The following OPCML variants were observed in gnomAD, a reference collection of about 807,000 sequenced individuals.
The protein encoded by OPCML is opioid-binding protein/cell adhesion molecule.
OPCML carries 13 observed loss-of-function variants against 37.8 expected under a neutral mutation model. The observed-to-expected ratio is 0.34, with a 90% CI of 0.22 to 0.55. The LOEUF is 0.55. Among genes scored for constraint, OPCML ranks in the 20% least tolerant of loss-of-function variants. The probability of loss-of-function intolerance (pLI) is 0.91; values close to 1 mark genes in which losing one functional copy is unlikely to be tolerated. For missense variants in OPCML, 341 were observed against 435.6 expected (o/e 0.78, Z 1.93); for synonymous variants, 176 against 168.8 (o/e 1.04, Z -0.33).
intron 4 of OPCML, among the ~76,000 whole-genome samples, chr11:132,440,144 C>T (rs777703664): frequency 5.3e-5 from 8 of 152,096 alleles, no homozygotes; most frequent in Non-Finnish European, 8.8e-5. Context: ...GATTTGTTTT[C>T]ACTGTCTGTG....
At chr11:133,272,868 G>A (rs183163487) in intron 1 of OPCML, among the ~76,000 whole-genome samples, 10 of 152,326 alleles carry the variant, frequency 6.6e-5, no homozygotes, top group Admixed American at 2.6e-4. Context: ...AAGTTTCTAC[G>A]AAGTGAGGAG....
chr11:133,415,065 G>A (rs950393243), intron 1 of OPCML, among the ~76,000 whole-genome samples: 1 of 152,138 alleles, frequency 6.6e-6, no homozygotes, highest in Non-Finnish European at 1.5e-5. Context: ...GAGTTATTTA[G>A]AGCAGTACTT....
At chr11:133,071,072 G>A (rs748324638) in intron 1 of OPCML, among the ~76,000 whole-genome samples, 5 of 152,210 alleles carry the variant, frequency 3.3e-5, no homozygotes, top group Admixed American at 2.6e-4. Context: ...GCTCCAATGA[G>A]AGGATGTTCT....
intron 2 of OPCML, among the ~76,000 whole-genome samples, chr11:132,874,265 A>T (rs1249625524): frequency 6.6e-6 from 1 of 152,212 alleles, no homozygotes; most frequent in Non-Finnish European, 1.5e-5. Context: ...CTCAGTTGAT[A>T]GAAAATCTAT....
chr11:133,014,989 G>T lies in OPCML; in HGVS notation c.62-71979C>A, dbSNP rs76813249. ...CTCAATGGAATAACGTCCAGCAATC[G>T]AAATGGATGAAATGCATCTACAGGC... On this transcript the variant is annotated intron_variant, in intron 1 of 7. Transcript: ENST00000524381. Among the ~76,000 whole-genome samples the T allele has an allele frequency of 5.9e-5, 9 of 152,248 alleles. No homozygotes were observed. The East Asian group carries it at 1.5e-3, about 26-fold the overall frequency.
chr11:133,423,768 C>T (rs867878290), intron 1 of OPCML, among the ~76,000 whole-genome samples: 13 of 152,264 alleles, frequency 8.5e-5, no homozygotes, highest in Middle Eastern at 3.4e-3. Flanking sequence ...ATCATGGGGA[C>T]AGATCCCTCC....
chr11:133,079,213 A>G (rs554219330), intron 1 of OPCML, among the ~76,000 whole-genome samples: 2 of 152,270 alleles, frequency 1.3e-5, no homozygotes, highest in East Asian at 3.9e-4. Flanking sequence ...ATTTTAAGCT[A>G]GTGTAAGTAA....
intron 2 of OPCML, among the ~76,000 whole-genome samples, chr11:132,672,394 T>A (rs116038942): frequency 0.02 from 3,016 of 152,234 alleles, 101 homozygotes; most frequent in African/African-American, 0.069. Context: ...AAACAACTAG[T>A]GCATTTGGGG....
intron 4 of OPCML, among the ~76,000 whole-genome samples, chr11:132,466,217 G>A (rs1325564647): frequency 2.0e-5 from 3 of 152,038 alleles, no homozygotes; most frequent in Non-Finnish European, 2.9e-5. Flanking sequence ...CGCGCACGGT[G>A]GCTCACGCCT....
intron 1 of OPCML, among the ~76,000 whole-genome samples, chr11:133,354,238 G>GTGGTAATAA (rs1427254601): frequency 4.0e-4 from 16 of 39,650 alleles, no homozygotes; most frequent in East Asian, 1.0e-3. Context: ...GGTGGTGATG[G>GTGGTAATAA]TGGTGATAAT....
rs149991877 is a variant in OPCML, at chr11:132,766,099, T to TAAA, written c.147-108783_147-108781dup. ...ATGTCATGGTCCCATGCTTATAATTTAAAAAAAAAAAACTAAATAAATGTT... is the reference window on the plus strand; with the variant it reads ...ATGTCATGGTCCCATGCTTATAATTTAAAAAAAAAAAAAAACTAAATAAATGTT... On this transcript the variant is annotated intron_variant, in intron 2 of 7. Transcript: ENST00000524381. Among the ~76,000 whole-genome samples the TAAA allele has an allele frequency of 1.7e-3, 257 of 148,836 alleles. 1 individual carries two copies. Among genetic ancestry groups the TAAA allele is most frequent in the South Asian group, 4.0e-3 (19 of 4,728 alleles).
chr11:132,631,773 T>G (rs1042428348), intron 3 of OPCML, among the ~76,000 whole-genome samples: 1 of 152,126 alleles, frequency 6.6e-6, no homozygotes, highest in Non-Finnish European at 1.5e-5. Context: ...TATTAAAAAG[T>G]CAATAGATTA....
chr11:133,154,223 A>ATT (rs1950025839), intron 1 of OPCML, among the ~76,000 whole-genome samples: 1 of 151,358 alleles, frequency 6.6e-6, no homozygotes, highest in African/African-American at 2.4e-5. Context: ...TCTGATTAAA[A>ATT]AAAAAAAAAA....
At chr11:132,905,296 A>G (rs1212958096) in intron 2 of OPCML, among the ~76,000 whole-genome samples, 1 of 131,774 alleles carries the variant, frequency 7.6e-6, no homozygotes, top group East Asian at 2.2e-4. Context: ...CAGTGGCATG[A>G]TCTTGGCTCA....
chr11:132,695,698 C>T (rs1015476880), intron 2 of OPCML, among the ~76,000 whole-genome samples: 4 of 152,074 alleles, frequency 2.6e-5, no homozygotes, highest in East Asian at 1.9e-4. Flanking sequence ...CATCTATTGG[C>T]GATTTCTTCT....
At chr11:133,309,325 G>A (rs78691964) in intron 1 of OPCML, among the ~76,000 whole-genome samples, 27 of 152,244 alleles carry the variant, frequency 1.8e-4, no homozygotes, top group African/African-American at 5.8e-4. Flanking sequence ...GATCTCTTTC[G>A]TGTCCTTCCC....
In OPCML at chr11:132,664,000, T is replaced by C. The variant is rs369714256; in HGVS notation, c.147-6681A>G. ...GGCGCCCGCCACCACGCCCGGCTAA[T>C]TTTTTGTATTTTTAGTAGAGAGGGG... On this transcript the variant is annotated intron_variant, in intron 2 of 7. Transcript: ENST00000524381. Among the ~76,000 whole-genome samples, 417 of 152,062 alleles carry C rather than the reference T, an allele frequency of 2.7e-3. 4 individuals are homozygous for C. The highest frequency in any genetic ancestry group is 9.4e-3 in the African/African-American group (389 of 41,502).
At chr11:133,083,086 G>C (rs1445604417) in intron 1 of OPCML, among the ~76,000 whole-genome samples, 1 of 152,054 alleles carries the variant, frequency 6.6e-6, no homozygotes, top group East Asian at 2.0e-4. Flanking sequence ...CACCGCCTGC[G>C]CCCCGACGGC....
At chr11:133,140,896 GAC>G (rs1310671194) in intron 1 of OPCML, among the ~76,000 whole-genome samples, 1 of 24,806 alleles carries the variant, frequency 4.0e-5, no homozygotes, top group Non-Finnish European at 1.4e-4. Flanking sequence ...CGACGACGAA[GAC>G]GACGACGACG....
Sources: allele counts gnomAD v4.1 joint callset (sites outside exome capture counted in the v4.1 genomes callset), GRCh38; gene constraint gnomAD v4.1.1; transcripts MANE v1.5; gene names NCBI Gene and HGNC (gene_info 2026-07-23, HGNC 2026-07-21).